The following AK6 variants were observed in gnomAD, a reference collection of about 807,000 sequenced individuals.
The protein encoded by AK6 is adenylate kinase isoenzyme 6.
Under a neutral mutation model 23.7 loss-of-function variants are expected in AK6, and 24 were observed. The ratio of observed to expected loss-of-function variants is 1.01; its 90% CI spans 0.73 to 1.43. The LOEUF (loss-of-function observed/expected upper bound fraction) is 1.43. Among genes scored for constraint, AK6 ranks in the 40% most tolerant of loss-of-function variants. The pLI, the probability that AK6 is intolerant of heterozygous loss-of-function variation, is 0.00. For missense variants in AK6, 191 were observed against 199.1 expected (o/e 0.96, Z 0.24); for synonymous variants, 73 against 69.8 (o/e 1.05, Z -0.23).
In AK6 at chr5:69,366,382, T is replaced by C. The variant is rs1033747161; in HGVS notation, c.121+121A>G. 6.9e-6 allele frequency: 5 copies of C among 728,650 alleles called. No homozygotes were observed. The East Asian group carries it at 1.0e-4, about 15-fold the overall frequency. The allele number at this position is 728,650 out of a possible 1,614,324, so 45.1% of individuals were successfully genotyped here. A position where few individuals can be genotyped will look rare whatever the true frequency, so the allele number is the denominator to read the frequency against. ...TATTTCTGTGGATTCCCTAACAGAG[T>C]ATATATTCTTTAATGGCAATCTCTG... On this transcript the variant is annotated intron_variant, in intron 2 of 4. Coordinates refer to ENST00000380822, the MANE Select transcript of AK6 (RefSeq NM_016283.5).
chr5:69,366,386 T>C (rs1449551341), intron 2 of AK6, 117 bp downstream of exon 2: 2 of 756,978 alleles, frequency 2.6e-6, no homozygotes, highest in Admixed American at 2.2e-5. Context: ...ACAGAGTATA[T>C]ATTCTTTAAT....
At chr5:69,363,354 T>C (rs1195126199) in intron 2 of AK6, among the ~76,000 whole-genome samples, 2 of 152,206 alleles carry the variant, frequency 1.3e-5, no homozygotes, top group Admixed American at 6.5e-5. Context: ...CTCTAATTAG[T>C]TTAGAAATGT....
At chr5:69,356,065 T>C in intron 2 of AK6, 112 bp from the exon 3 acceptor site, 2 of 873,814 alleles carry the variant, frequency 2.3e-6, no homozygotes, top group South Asian at 1.8e-5. Flanking sequence ...TTCTTTTAGA[T>C]ACAAGGGTGG....
chr5:69,359,285 C>G (rs1287761730), intron 2 of AK6, among the ~76,000 whole-genome samples: 1 of 151,816 alleles, frequency 6.6e-6, no homozygotes, highest in Non-Finnish European at 1.5e-5. Context: ...ACTCTCGTCA[C>G]CCACGCTGGA....
At chr5:69,364,653 GC>G (rs1204435403) in intron 2 of AK6, 1 of 504,206 alleles carries the variant, frequency 2.0e-6, no homozygotes, top group East Asian at 3.5e-5. Context: ...CTGCAGTACT[GC>G]AAATTGCTGC....
intron 1 of AK6, among the ~76,000 whole-genome samples, chr5:69,368,624 T>C (rs1382209230): frequency 1.3e-5 from 2 of 152,176 alleles, no homozygotes; most frequent in Admixed American, 1.3e-4. Context: ...CCAACAATTT[T>C]ACCTTTGGGT....
rs190151255 is a variant in AK6 at position 69,352,165 on chromosome 5, C to A, written c.415G>T (p.Glu139Ter). 1.2e-6 allele frequency: 2 copies of A among 1,613,890 alleles called. No homozygotes were observed. The highest frequency in any genetic ancestry group is 4.5e-5 in the East Asian group (2 of 44,884). Reference protein sequence around the residue: ...YEEATASYKEEIVHQLPSNKP... With the variant: ...YEEATASYKE The stretch of plus-strand genomic sequence containing the variant: ...TTACTGGGCAGCTGATGCACGATTT[C>A]TTCCTTGTAGGATGCTGTGGCTTCT... The change falls in exon 5 of 5, where the codon GAA becomes TAA. Residue 139 changes from glutamate to a stop codon, truncating the protein, a stop_gained. Transcript: ENST00000380822. LOFTEE classifies it high-confidence loss of function.
intron 2 of AK6, 144 bp downstream of exon 2, chr5:69,366,359 T>A: frequency 1.6e-6 from 1 of 640,018 alleles, no homozygotes; most frequent in South Asian, 2.0e-5. Context: ...ACACTTAATA[T>A]TTCTGTGGAT....
Position 69,351,942 on chromosome 5 carries a change from C to G in AK6, c.*119G>C, listed in dbSNP as rs1761958595. ...AGAAACACAGGCATAAACCTATATA[C>G]TATCCACCTGCTGGTTCTGCAACAT... is the stretch of plus-strand genomic sequence containing the variant. On this transcript the variant is annotated 3_prime_UTR_variant, in exon 5 of 5. Transcript: ENST00000380822. 1 of 773,424 alleles carries G rather than the reference C, an allele frequency of 1.3e-6. No homozygotes were observed. The highest frequency in any genetic ancestry group is 1.7e-5 in the African/African-American group (1 of 57,326). The allele number at this position is 773,424 out of a possible 1,614,324, so 47.9% of individuals were successfully genotyped here.
At position 69,368,448 on chromosome 5, in the gene AK6, T is replaced by C. The variant is rs58228313; in HGVS notation, c.28+1015A>G. On this transcript the variant is annotated intron_variant, in intron 1 of 4. Transcript: ENST00000380822. ...AACCCTGGACTCAACATGTTTTCAATAAAATGTTCACTTTAAAGTTTTGAC... is the reference window on the plus strand; with the variant it reads ...AACCCTGGACTCAACATGTTTTCAACAAAATGTTCACTTTAAAGTTTTGAC... 1.2e-3 allele frequency among the ~76,000 whole-genome samples: 182 copies of C among 152,320 alleles called. 2 individuals carry two copies. The East Asian group carries it at 0.02, about 16-fold the overall frequency.
intron 2 of AK6, among the ~76,000 whole-genome samples, chr5:69,360,322 A>T (rs1762197236): frequency 6.6e-6 from 1 of 152,208 alleles, no homozygotes; most frequent in African/African-American, 2.4e-5. Context: ...GAAACCGTCA[A>T]GATTTAAAGG....
chr5:69,366,791 T>G, intron 1 of AK6, 196 bp from the exon 2 acceptor site: 1 of 563,030 alleles, frequency 1.8e-6, no homozygotes, highest in Non-Finnish European at 3.2e-6. Context: ...AGAGTTTCAC[T>G]CTTGTCGCCC....
intron 2 of AK6, chr5:69,364,621 C>T (rs1762339186): frequency 2.4e-6 from 1 of 410,114 alleles, no homozygotes; most frequent in Non-Finnish European, 4.4e-6. Flanking sequence ...TTTAAGGTGA[C>T]ACTCTAGTGG....
chr5:69,352,294 A>G lies in AK6; in HGVS notation c.327-41T>C. The G allele has an allele frequency of 2.0e-6, 3 of 1,525,680 alleles. 1 individual carries two copies. In the South Asian group the frequency reaches 3.5e-5, roughly 18 times the overall value. The allele number at this position is 1,525,680 out of a possible 1,614,324, so 94.5% of individuals were successfully genotyped here. On this transcript the variant is annotated intron_variant, in intron 4 of 4. Coordinates refer to ENST00000380822, the MANE Select transcript of AK6 (RefSeq NM_016283.5). Reference sequence around the variant, plus strand: ...GTTAAGCAAACAAGAAGCAAAATAAATGGCATTAACTGGAGTTTCAGAAAC... The same window carrying G: ...GTTAAGCAAACAAGAAGCAAAATAAGTGGCATTAACTGGAGTTTCAGAAAC...
chr5:69,369,620 G>C (rs1391230122), upstream of AK6: 8 of 1,572,352 alleles, frequency 5.1e-6, no homozygotes, highest in Admixed American at 1.1e-4. Flanking sequence ...GGCGCCCCTA[G>C]CCTGCCCCGG....
chr5:69,362,403 GAAATAA>G (rs1292787823), intron 2 of AK6, among the ~76,000 whole-genome samples: 1 of 152,132 alleles, frequency 6.6e-6, no homozygotes, highest in Non-Finnish European at 1.5e-5. Flanking sequence ...ATCCCCACTT[GAAATAA>G]AAATGAGGTT....
At position 69,351,106 on chromosome 5, in the gene AK6, G is replaced by A. The variant is rs533209246; in HGVS notation, c.*955C>T. The A allele has an allele frequency of 4.7e-4, 72 of 152,310 alleles. No homozygotes were observed. The highest frequency in any genetic ancestry group is 1.7e-3 in the African/African-American group (69 of 41,576). The allele number at this position is 152,310 out of a possible 1,614,324, so 9.4% of individuals were successfully genotyped here. Reference sequence around the variant, plus strand: ...AGAGAGTGACTGCTAAAGGGTATAGGAGTTCCCTTTATCATCACTGCTTCC... The same window carrying A: ...AGAGAGTGACTGCTAAAGGGTATAGAAGTTCCCTTTATCATCACTGCTTCC... On this transcript the variant is annotated 3_prime_UTR_variant, in exon 5 of 5. Coordinates refer to ENST00000380822, the MANE Select transcript of AK6 (RefSeq NM_016283.5).
chr5:69,364,610 G>A (rs1580317531), intron 2 of AK6: 1 of 383,090 alleles, frequency 2.6e-6, no homozygotes, highest in South Asian at 3.0e-5. Context: ...ATCTGAAGAC[G>A]TTTAAGGTGA....
At chr5:69,359,587 C>T (rs1314833878) in intron 2 of AK6, among the ~76,000 whole-genome samples, 2 of 152,172 alleles carry the variant, frequency 1.3e-5, no homozygotes, top group African/African-American at 4.8e-5. Flanking sequence ...AAAAAACCTT[C>T]CCAGCTGCTG....
Sources: gnomAD v4.1 joint callset for allele counts (sites outside exome capture counted in the v4.1 genomes callset) on GRCh38, gnomAD v4.1.1 for gene constraint, MANE v1.5 for transcripts, NCBI Gene and HGNC (gene_info 2026-07-23, HGNC 2026-07-21) for gene names.